Variants in CREB1 observed in about 807,000 individuals in gnomAD.
The protein encoded by CREB1 is cAMP responsive element binding protein 1.
In CREB1, 2 loss-of-function variants were observed where a neutral mutation model predicts 42.0. That is an observed-to-expected ratio of 0.05 (90% CI 0.02 to 0.15). CREB1 has a LOEUF of 0.15. Ranked by LOEUF, CREB1 falls within the 10% of genes least tolerant of loss-of-function variation. The pLI, the probability that CREB1 is intolerant of heterozygous loss-of-function variation, is 1.00. For synonymous variants in CREB1, 123 were observed against 139.9 expected (o/e 0.88, Z 0.85); for missense variants, 199 against 388.9 (o/e 0.51, Z 4.11).
intron 3 of CREB1, among the ~76,000 whole-genome samples, chr2:207,563,358 A>C (rs1188729399): frequency 6.6e-6 from 1 of 152,202 alleles, no homozygotes; most frequent in Non-Finnish European, 1.5e-5. Context: ...AGTCTTCCGG[A>C]GTTTCAGCAG....
At chr2:207,548,663 A>G (rs939485319) in intron 1 of CREB1, among the ~76,000 whole-genome samples, 22 of 152,132 alleles carry the variant, frequency 1.4e-4, no homozygotes, top group African/African-American at 5.3e-4. Context: ...AGGCAGGAGA[A>G]TCACTTGAAC....
At chr2:207,539,167 A>T (rs2106359123) in intron 1 of CREB1, among the ~76,000 whole-genome samples, 2 of 150,844 alleles carry the variant, frequency 1.3e-5, no homozygotes, top group South Asian at 4.2e-4. Flanking sequence ...CAGCCTCCCA[A>T]GTAGCTGGGA....
rs1397948794 is a variant in CREB1, at chr2:207,603,745, A to G, written c.*6687A>G. On this transcript the variant is annotated 3_prime_UTR_variant, in exon 8 of 8. Coordinates refer to ENST00000353267, the MANE Select transcript of CREB1 (RefSeq NM_004379.5). The stretch of plus-strand genomic sequence containing the variant: ...ACACGTGTTCACTGAAAGGACAATA[A>G]GACTATATACCTTCTCAGGTCCCCT... 2.0e-5 allele frequency among the ~76,000 whole-genome samples: 3 copies of G among 152,200 alleles called. No individual in the cohort carries two copies. Among genetic ancestry groups the G allele is most frequent in the African/African-American group, 7.2e-5 (3 of 41,444 alleles).
chr2:207,530,342 G>C (rs1271633223), intron 1 of CREB1, among the ~76,000 whole-genome samples: 1 of 150,702 alleles, frequency 6.6e-6, no homozygotes, highest in Non-Finnish European at 1.5e-5. Context: ...GCGGCGGCCG[G>C]GGCGGCAGCG....
chr2:207,537,851 G>A (rs1036752988), intron 1 of CREB1, among the ~76,000 whole-genome samples: 1 of 152,064 alleles, frequency 6.6e-6, no homozygotes, highest in Non-Finnish European at 1.5e-5. Context: ...AGGTTTTACA[G>A]GTTGAGAATC....
At chr2:207,580,743 G>A (rs945638743) in intron 7 of CREB1, 6 of 224,354 alleles carry the variant, frequency 2.7e-5, no homozygotes, top group Admixed American at 2.3e-4. Flanking sequence ...TAACAACCAC[G>A]AATCTCAGTG....
intron 5 of CREB1, among the ~76,000 whole-genome samples, chr2:207,572,102 T>G (rs1273690748): frequency 6.6e-6 from 1 of 151,890 alleles, no homozygotes. Flanking sequence ...GGCGGACGCC[T>G]GTAATCCCAG....
chr2:207,605,778 G>A lies in CREB1; in HGVS notation c.*8720G>A, dbSNP rs1295862430. ...TACTGTTACAGATATACAGAGGTTG[G>A]TAACTAGGTCTACACAAGTTGTATC... On this transcript the variant is annotated 3_prime_UTR_variant, in exon 8 of 8. Transcript: ENST00000353267. 6.6e-6 allele frequency among the ~76,000 whole-genome samples: 1 copy of A among 152,162 alleles called. No individual in the cohort carries two copies. Among genetic ancestry groups the A allele is most frequent in the Non-Finnish European group, 1.5e-5 (1 of 68,036 alleles).
chr2:207,568,839 A>T (rs1049874804), intron 4 of CREB1, among the ~76,000 whole-genome samples: 1 of 150,584 alleles, frequency 6.6e-6, no homozygotes, highest in Non-Finnish European at 1.5e-5. Flanking sequence ...GTTGATCTTT[A>T]TTTTTTTTTC....
At chr2:207,593,019 G>T (rs1267784245) in intron 7 of CREB1, among the ~76,000 whole-genome samples, 1 of 152,154 alleles carries the variant, frequency 6.6e-6, no homozygotes, top group Non-Finnish European at 1.5e-5. Flanking sequence ...TGTTGGAGAC[G>T]GTCACACAGC....
Position 207,604,122 on chromosome 2 carries a change from G to A in CREB1, c.*7064G>A, listed in dbSNP as rs1174663689. Among the ~76,000 whole-genome samples the A allele has an allele frequency of 1.3e-5, 2 of 152,166 alleles. No homozygotes were observed. The highest frequency in any genetic ancestry group is 1.9e-4 in the East Asian group (1 of 5,200). On this transcript the variant is annotated 3_prime_UTR_variant, in exon 8 of 8. Transcript: ENST00000353267. Reference sequence around the variant, plus strand: ...GAACTAGGATTGTTCTAAGCAAATCGGAATCGGGTCACCCTGCCACGTTCA... The same window carrying A: ...GAACTAGGATTGTTCTAAGCAAATCAGAATCGGGTCACCCTGCCACGTTCA...
intron 3 of CREB1, among the ~76,000 whole-genome samples, chr2:207,566,350 T>G (rs1019182057): frequency 3.9e-5 from 6 of 152,318 alleles, no homozygotes; most frequent in African/African-American, 1.4e-4. Context: ...ACATAGACCC[T>G]TTTGTCTTGG....
intron 7 of CREB1, among the ~76,000 whole-genome samples, chr2:207,584,195 T>C (rs2083412224): frequency 6.6e-6 from 1 of 152,266 alleles, no homozygotes; most frequent in Non-Finnish European, 1.5e-5. Flanking sequence ...GCATGAAATG[T>C]AACTAACTGT....
chr2:207,601,588 A>C lies in CREB1; in HGVS notation c.*4530A>C. ...TTTTTAATGAGACTTTATCCTCATC[A>C]CAACATTAATACTGTACATAGTATG... On this transcript the variant is annotated 3_prime_UTR_variant, in exon 8 of 8. Transcript: ENST00000353267. 1 of 205,272 alleles carries C rather than the reference A, an allele frequency of 4.9e-6. No individual in the cohort carries two copies. The highest frequency in any genetic ancestry group is 9.9e-6 in the Non-Finnish European group (1 of 100,666). 12.7% of individuals were successfully genotyped at this position (205,272 alleles called of 1,614,324 possible).
chr2:207,564,825 C>T (rs2082082314), intron 3 of CREB1, among the ~76,000 whole-genome samples: 2 of 151,680 alleles, frequency 1.3e-5, no homozygotes, highest in Non-Finnish European at 2.9e-5. Flanking sequence ...TACAAGTGGC[C>T]AAAATTAAAG....
intron 1 of CREB1, among the ~76,000 whole-genome samples, chr2:207,530,703 A>G (rs900178442): frequency 1.8e-4 from 27 of 151,758 alleles, no homozygotes; most frequent in Middle Eastern, 3.4e-3. Flanking sequence ...GAGGAGGTGA[A>G]GGTGCCTGCT....
Position 207,603,104 on chromosome 2 carries a change from A to G in CREB1, c.*6046A>G, listed in dbSNP as rs1452106743. 4.7e-6 allele frequency: 1 copy of G among 211,196 alleles called. No homozygotes were observed. Among genetic ancestry groups the G allele is most frequent in the Admixed American group, 5.9e-5 (1 of 16,996 alleles). 13.1% of individuals were successfully genotyped at this position (211,196 alleles called of 1,614,324 possible). A position where few individuals can be genotyped will look rare whatever the true frequency, so the allele number is the denominator to read the frequency against. On this transcript the variant is annotated 3_prime_UTR_variant, in exon 8 of 8. Coordinates refer to ENST00000353267, the MANE Select transcript of CREB1 (RefSeq NM_004379.5). ...GGAGTTGAATACTAAATAAATAACT[A>G]TAATGAGGGAAATACATTTCTAATA...
At chr2:207,565,038 G>GTT (rs34275460) in intron 3 of CREB1, among the ~76,000 whole-genome samples, 1 of 144,852 alleles carries the variant, frequency 6.9e-6, no homozygotes. Flanking sequence ...GGTCCAGTAT[G>GTT]TTTTTTTTTT....
chr2:207,543,464 A>G (rs1303897634), intron 1 of CREB1, among the ~76,000 whole-genome samples: 1 of 152,182 alleles, frequency 6.6e-6, no homozygotes, highest in Non-Finnish European at 1.5e-5. Flanking sequence ...TTTACAAATA[A>G]GCTGAGTCGT....
Sources: gnomAD v4.1 joint callset for allele counts (sites outside exome capture counted in the v4.1 genomes callset) on GRCh38, gnomAD v4.1.1 for gene constraint, MANE v1.5 for transcripts, NCBI Gene and HGNC (gene_info 2026-07-23, HGNC 2026-07-21) for gene names.